The following PLCXD2 variants were observed in gnomAD, a reference collection of about 807,000 sequenced individuals.
PLCXD2 encodes the protein phosphatidylinositol specific phospholipase C X domain containing 2, also known as PI-PLC X domain-containing protein 2.
Under a neutral mutation model 28.6 loss-of-function variants are expected in PLCXD2, and 21 were observed. That is an observed-to-expected ratio of 0.73 (90% confidence interval 0.52 to 1.06). The LOEUF is 1.06. PLCXD2 is among the 50% of genes least tolerant of loss of function. The probability of loss-of-function intolerance (pLI) is 0.00; values close to 1 mark genes in which losing one functional copy is unlikely to be tolerated. For synonymous variants in PLCXD2, 140 were observed against 150.1 expected (o/e 0.93, Z 0.49); for missense variants, 369 against 376.7 (o/e 0.98, Z 0.17).
At chr3:111,719,772 C>A (rs945832790) in intron 3 of PLCXD2, among the ~76,000 whole-genome samples, 2 of 152,178 alleles carry the variant, frequency 1.3e-5, no homozygotes, top group Non-Finnish European at 2.9e-5. Context: ...AAGGGGCTTG[C>A]AGGAACTTTC....
At chr3:111,726,048 A>G (rs1029096691) in intron 3 of PLCXD2, 34 of 262,318 alleles carry the variant, frequency 1.3e-4, no homozygotes, top group Middle Eastern at 7.6e-4. Flanking sequence ...ACATCCAATC[A>G]TTAGAACTAT....
intron 1 of PLCXD2, 148 bp downstream of exon 1, chr3:111,675,556 G>A: frequency 1.1e-6 from 1 of 872,440 alleles, no homozygotes; most frequent in Non-Finnish European, 1.9e-6. Flanking sequence ...CACTGAAGCA[G>A]CTGCTTTAAA....
intron 1 of PLCXD2, among the ~76,000 whole-genome samples, chr3:111,687,352 A>C (rs777303310): frequency 6.6e-6 from 1 of 152,178 alleles, no homozygotes; most frequent in Non-Finnish European, 1.5e-5. Flanking sequence ...TGGTAATTAA[A>C]ATGGAAAGGC....
At chr3:111,707,174 T>C (rs897572251) in intron 1 of PLCXD2, among the ~76,000 whole-genome samples, 5 of 152,216 alleles carry the variant, frequency 3.3e-5, no homozygotes, top group Admixed American at 2.6e-4. Context: ...TTTTGGCTCA[T>C]TGAGGTACGA....
intron 2 of PLCXD2, among the ~76,000 whole-genome samples, chr3:111,708,738 G>GTC (rs1159019316): frequency 6.6e-6 from 1 of 152,204 alleles, no homozygotes. Flanking sequence ...CTCAGGGATA[G>GTC]TCTGTTCCAT....
chr3:111,701,783 A>C (rs1051447535), intron 1 of PLCXD2, among the ~76,000 whole-genome samples: 1 of 152,150 alleles, frequency 6.6e-6, no homozygotes, highest in African/African-American at 2.4e-5. Flanking sequence ...GTCAAATGTA[A>C]GGTTTTGGTA....
intron 3 of PLCXD2, chr3:111,724,764 T>A (rs1201380720): frequency 6.6e-6 from 1 of 152,206 alleles, no homozygotes; most frequent in African/African-American, 2.4e-5. Flanking sequence ...TTCAAATTTT[T>A]ACTGTTAGAT....
At chr3:111,725,594 C>T (rs755857025) in intron 3 of PLCXD2, 12 of 398,302 alleles carry the variant, frequency 3.0e-5, no homozygotes, top group Non-Finnish European at 4.0e-5. Flanking sequence ...CCACAAAATG[C>T]GATTGATTTT....
intron 2 of PLCXD2, among the ~76,000 whole-genome samples, chr3:111,711,102 A>G (rs948829385): frequency 6.6e-6 from 1 of 152,156 alleles, no homozygotes; most frequent in Non-Finnish European, 1.5e-5. Context: ...TTTTCCTGCC[A>G]CATTTCTTCT....
At chr3:111,720,504 C>T (rs892658538) in intron 3 of PLCXD2, among the ~76,000 whole-genome samples, 2 of 152,152 alleles carry the variant, frequency 1.3e-5, no homozygotes, top group Non-Finnish European at 2.9e-5. Context: ...ATCTCCTCTT[C>T]CAGCAGAGAA....
chr3:111,680,727 A>G (rs770654409), intron 1 of PLCXD2, among the ~76,000 whole-genome samples: 1 of 152,216 alleles, frequency 6.6e-6, no homozygotes, highest in Admixed American at 6.5e-5. Context: ...AAGAGTATGA[A>G]TACAACAGCC....
rs751841138 is a variant in PLCXD2, at chr3:111,708,094, G to A, written c.332G>A (p.Arg111His). The A allele has an allele frequency of 2.5e-5, 41 of 1,614,096 alleles. No homozygotes were observed. The highest frequency in any genetic ancestry group is 3.1e-5 in the Non-Finnish European group (37 of 1,180,050). Residue 111 changes from arginine (R) to histidine (H), a missense_variant, in exon 2 of 5, where the codon CGC becomes CAC. Transcript: ENST00000477665. ...CGAGAACAGCTGGAAGCTGGGATCC[G>A]CTACTTTGACCTGCGTGTGTCTTCC...
At chr3:111,720,559 C>T (rs1941332947) in intron 3 of PLCXD2, among the ~76,000 whole-genome samples, 164 bp from the exon 4 acceptor site, 1 of 152,224 alleles carries the variant, frequency 6.6e-6, no homozygotes, top group Non-Finnish European at 1.5e-5. Flanking sequence ...ACTACTTCAT[C>T]CCTGAAGGAG....
At chr3:111,720,988 G>A (rs1209052629) in intron 3 of PLCXD2, 3 of 406,912 alleles carry the variant, frequency 7.4e-6, no homozygotes, top group Non-Finnish European at 1.3e-5. Context: ...GAAGTAAGAG[G>A]AAGATGGCTT....
Position 111,675,301 on chromosome 3 carries a change from C to G in PLCXD2, c.56C>G (p.Pro19Arg), listed in dbSNP as rs1344999448. 6.2e-7 allele frequency: 1 copy of G among 1,614,162 alleles called. No individual in the cohort carries two copies. Residue 19 changes from proline (P) to arginine (R), a missense_variant, in exon 1 of 5, where the codon CCC becomes CGC. By Grantham distance (103) the Pro-to-Arg change is moderately radical. Transcript: ENST00000477665. ...CTCAGGATGGGGACCATCTGCTCCC[C>G]CAACCCCAGCGGGACAAAGACATCA...
chr3:111,677,448 C>A (rs2107835841), intron 1 of PLCXD2: 1 of 152,292 alleles, frequency 6.6e-6, no homozygotes, highest in South Asian at 2.1e-4. Context: ...CCCCTACTTC[C>A]TCTTTAACTC....
chr3:111,714,185 T>A lies in PLCXD2; in HGVS notation c.866+57T>A. 2.6e-6 allele frequency: 4 copies of A among 1,561,568 alleles called. No homozygotes were observed. The South Asian group carries it at 4.7e-5, about 18-fold the overall frequency. On this transcript the variant is annotated intron_variant, in intron 3 of 4. Coordinates refer to ENST00000477665, the MANE Select transcript of PLCXD2 (RefSeq NM_001185106.1). The stretch of plus-strand genomic sequence containing the variant: ...CTTTTTAAAAAATATTTATCTTGAT[T>A]CTATTCTGAGTAAATCGCAGTAAAG...
chr3:111,694,718 TC>T (rs1940936873), intron 1 of PLCXD2, among the ~76,000 whole-genome samples: 1 of 152,168 alleles, frequency 6.6e-6, no homozygotes, highest in Admixed American at 6.5e-5. Flanking sequence ...GGTGACAGCC[TC>T]CATGGGAAGT....
At position 111,708,357 on chromosome 3, in the gene PLCXD2, C is replaced by T. The variant is rs1294952774; in HGVS notation, c.595C>T (p.Leu199=). 2 of 1,613,956 alleles carry T rather than the reference C, an allele frequency of 1.2e-6. No individual in the cohort carries two copies. The highest frequency in any genetic ancestry group is 1.7e-6 in the Non-Finnish European group (2 of 1,179,994). The change falls in exon 2 of 5, where the codon CTG becomes TTG. Residue 199 remains leucine, a synonymous_variant. Coordinates refer to ENST00000477665, the MANE Select transcript of PLCXD2 (RefSeq NM_001185106.1). The stretch of plus-strand genomic sequence containing the variant: ...AGCCTGCAGTGTGGAAAGTTTGACG[C>T]TGCGAACTCTGTGGGAGAAGAACTG...
Sources: allele counts gnomAD v4.1 joint callset (sites outside exome capture counted in the v4.1 genomes callset), GRCh38; gene constraint gnomAD v4.1.1; transcripts MANE v1.5; gene names NCBI Gene and HGNC (gene_info 2026-07-23, HGNC 2026-07-21).